The following BAZ2B variants were observed in gnomAD, a reference collection of about 807,000 sequenced individuals.
BAZ2B encodes the protein bromodomain adjacent to zinc finger domain protein 2B.
Under a neutral mutation model 246.0 loss-of-function variants are expected in BAZ2B, and 91 were observed. The observed-to-expected ratio is 0.37, with a 90% CI of 0.31 to 0.44. The LOEUF (loss-of-function observed/expected upper bound fraction) is 0.44. Ranked by LOEUF, BAZ2B falls within the 20% of genes least tolerant of loss-of-function variation. The pLI, the probability that BAZ2B is intolerant of heterozygous loss-of-function variation, is 1.00. For synonymous variants in BAZ2B, 855 were observed against 860.0 expected, an observed-to-expected ratio of 0.99 and a Z score of 0.10; for missense variants, 2,332 against 2,533.7, an observed-to-expected ratio of 0.92 and a Z score of 1.71.
Position 159,431,518 on chromosome 2 carries a change from T to C in BAZ2B, c.1901-362A>G, listed in dbSNP as rs149121987. Among the ~76,000 whole-genome samples, 336 of 152,258 alleles carry C rather than the reference T, an allele frequency of 2.2e-3. 2 individuals are homozygous for C. The highest frequency in any genetic ancestry group is 3.8e-3 in the Non-Finnish European group (258 of 68,016). ...GAACAGATTCCAATGGCTTATGAAG[T>C]ACAGTAAGTCAAATATGAGAAAGAG... On this transcript the variant is annotated intron_variant, in intron 9 of 36. Coordinates refer to ENST00000392783, the MANE Select transcript of BAZ2B (RefSeq NM_013450.4).
chr2:159,473,357 G>A (rs1469388867), intron 3 of BAZ2B, among the ~76,000 whole-genome samples: 1 of 152,206 alleles, frequency 6.6e-6, no homozygotes, highest in Non-Finnish European at 1.5e-5. Context: ...TATTTGCATA[G>A]AGGTGTTTAT....
chr2:159,374,777 C>A lies in BAZ2B; in HGVS notation c.4006-24G>T, dbSNP rs763960199. Reference sequence around the variant, plus strand: ...TCCTATACATAAGAAAATACAGTGTCATTTATCTGTTTTAAGATTTATTTA... The same window carrying A: ...TCCTATACATAAGAAAATACAGTGTAATTTATCTGTTTTAAGATTTATTTA... On this transcript the variant is annotated intron_variant, in intron 25 of 36. Coordinates refer to ENST00000392783, the MANE Select transcript of BAZ2B (RefSeq NM_013450.4). 14 of 1,590,474 alleles carry A rather than the reference C, an allele frequency of 8.8e-6. No individual in the cohort carries two copies. In the Admixed American group the frequency reaches 2.3e-4, roughly 27 times the overall value.
At chr2:159,683,501 AAT>A in the BAZ2B span, among the ~76,000 whole-genome samples, 2 of 152,172 alleles carry the variant, frequency 1.3e-5, no homozygotes, top group Non-Finnish European at 2.9e-5. Flanking sequence ...ATCACTCCAA[AAT>A]ATTCCCTTAT....
intron 16 of BAZ2B, among the ~76,000 whole-genome samples, chr2:159,401,061 T>C (rs1165603711): frequency 6.6e-6 from 1 of 150,880 alleles, no homozygotes; most frequent in Non-Finnish European, 1.5e-5. Flanking sequence ...AAAAAAAAAG[T>C]ACAAAATTAC....
chr2:159,501,184 TTATATATAATATATATATTTTTA>T (rs2081732205), intron 2 of BAZ2B, among the ~76,000 whole-genome samples: 5 of 80,804 alleles, frequency 6.2e-5, no homozygotes, highest in Admixed American at 5.8e-4. Flanking sequence ...TTATATATAT[TTATATATAATATATATATTTTTA>T]TATATATTAT....
At chr2:159,502,227 G>A (rs1342015854) in intron 2 of BAZ2B, among the ~76,000 whole-genome samples, 2 of 151,998 alleles carry the variant, frequency 1.3e-5, no homozygotes, top group Non-Finnish European at 2.9e-5. Context: ...TGTTTTAACT[G>A]ATTGTGGTGA....
chr2:159,365,679 C>T (rs2060143938), intron 27 of BAZ2B, among the ~76,000 whole-genome samples: 1 of 152,190 alleles, frequency 6.6e-6, no homozygotes, highest in Admixed American at 6.5e-5. Flanking sequence ...GATTTTGCTG[C>T]AGTCTCTATA....
intron 23 of BAZ2B, among the ~76,000 whole-genome samples, chr2:159,384,948 T>A (rs2062452379): frequency 2.6e-5 from 4 of 152,138 alleles, no homozygotes; most frequent in Admixed American, 2.0e-4. Context: ...ACACACAGTA[T>A]AATCCAAATT....
intron 3 of BAZ2B, among the ~76,000 whole-genome samples, chr2:159,472,675 T>G (rs1347666437): frequency 6.6e-6 from 1 of 152,244 alleles, no homozygotes; most frequent in Non-Finnish European, 1.5e-5. Context: ...ACCTAGTTTA[T>G]TGAGAGGTTT....
At chr2:159,494,086 C>A (rs576598310) in intron 2 of BAZ2B, among the ~76,000 whole-genome samples, 1 of 152,274 alleles carries the variant, frequency 6.6e-6, no homozygotes, top group South Asian at 2.1e-4. Flanking sequence ...ATTAGAATTC[C>A]AGAAGGGCCT....
chr2:159,501,144 TATATAATATATATAAATATATAATA>T lies in BAZ2B; in HGVS notation c.-2-22448_-2-22424del, dbSNP rs2081688705. On this transcript the variant is annotated intron_variant, in intron 2 of 36. Coordinates refer to ENST00000392783, the MANE Select transcript of BAZ2B (RefSeq NM_013450.4). ...ATATAATATATATATATATTTTATATATATAATATATATAAATATATAATATATATTATATATATTTATATATAAT... is the reference window on the plus strand; with the variant it reads ...ATATAATATATATATATATTTTATATTATATTATATATATTTATATATAAT... Among the ~76,000 whole-genome samples the T allele has an allele frequency of 2.6e-4, 8 of 30,250 alleles. 1 individual carries two copies. The highest frequency in any genetic ancestry group is 1.8e-3 in the Admixed American group (6 of 3,324). 19.8% of individuals were successfully genotyped at this position (30,250 alleles called of 152,430 possible). A position where few individuals can be genotyped will look rare whatever the true frequency, so the allele number is the denominator to read the frequency against.
chr2:159,674,406 G>GAAGAAAAGAAAAGAGAAGAGAAGAA, the BAZ2B span, among the ~76,000 whole-genome samples: 12 of 149,018 alleles, frequency 8.1e-5, 1 homozygote, highest in South Asian at 2.3e-3. Context: ...AAAGAGAAGA[G>GAAGAAAAGAAAAGAGAAGAGAAGAA]AAGAAAAGAA....
intron 1 of BAZ2B, among the ~76,000 whole-genome samples, chr2:159,591,079 C>T (rs969305466): frequency 2.6e-5 from 4 of 152,112 alleles, no homozygotes; most frequent in Non-Finnish European, 5.9e-5. Flanking sequence ...CCACAGTGGG[C>T]TGACATGAAA....
chr2:159,695,292 C>T, the BAZ2B span: 7 of 151,936 alleles, frequency 4.6e-5, no homozygotes, highest in Non-Finnish European at 8.8e-5. Flanking sequence ...ACCTTTTTCT[C>T]ACATTCTATG....
intron 2 of BAZ2B, among the ~76,000 whole-genome samples, chr2:159,515,461 G>C (rs1048839510): frequency 6.6e-6 from 1 of 151,998 alleles, no homozygotes; most frequent in African/African-American, 2.4e-5. Flanking sequence ...AAAAGCCAAT[G>C]TAATGGTGTT....
chr2:159,566,468 G>A (rs914055453), intron 1 of BAZ2B, among the ~76,000 whole-genome samples: 1 of 152,168 alleles, frequency 6.6e-6, no homozygotes. Flanking sequence ...AGCAATTTAA[G>A]AAAACATCTC....
At chr2:159,395,865 C>T (rs1468491789) in intron 19 of BAZ2B, 31 bp from the exon 20 acceptor site, 1 of 1,560,946 alleles carries the variant, frequency 6.4e-7, no homozygotes, top group Non-Finnish European at 8.7e-7. Context: ...TGGAAAATAA[C>T]TCAGCCACAA....
At chr2:159,577,559 C>T (rs1685649293) in intron 1 of BAZ2B, among the ~76,000 whole-genome samples, 1 of 152,124 alleles carries the variant, frequency 6.6e-6, no homozygotes. Flanking sequence ...ATTGTTTTCA[C>T]TACACAAAAT....
At chr2:159,334,747 G>T (rs1019150369) in intron 33 of BAZ2B, among the ~76,000 whole-genome samples, 21 of 152,172 alleles carry the variant, frequency 1.4e-4, no homozygotes, top group African/African-American at 5.1e-4. Context: ...ATAGATTGCA[G>T]AATTTAAATA....
Sources: allele counts gnomAD v4.1 joint callset (sites outside exome capture counted in the v4.1 genomes callset), GRCh38; gene constraint gnomAD v4.1.1; transcripts MANE v1.5; gene names NCBI Gene and HGNC (gene_info 2026-07-23, HGNC 2026-07-21).